Variants in ARAP2 observed in about 807,000 individuals in gnomAD.
The protein encoded by ARAP2 is ArfGAP with RhoGAP domain, ankyrin repeat and PH domain 2, also known as arf-GAP with Rho-GAP domain, ANK repeat and PH domain-containing protein 2.
A neutral mutation model predicts 194.5 loss-of-function variants in ARAP2; 148 were observed. The ratio of observed to expected loss-of-function variants is 0.76; its 90% CI spans 0.67 to 0.87. The LOEUF is 0.87. Ranked by LOEUF, ARAP2 falls within the 40% of genes least tolerant of loss-of-function variation. The probability of loss-of-function intolerance (pLI) is 0.00; values close to 1 mark genes in which losing one functional copy is unlikely to be tolerated. For missense variants in ARAP2, 2,128 were observed against 1,989.7 expected (o/e 1.07, Z -1.32); for synonymous variants, 695 against 683.5 (o/e 1.02, Z -0.26).
At chr4:36,016,388 G>A (rs1456352528) in intron 6 of ARAP2, among the ~76,000 whole-genome samples, 3 of 152,100 alleles carry the variant, frequency 2.0e-5, no homozygotes, top group Non-Finnish European at 4.4e-5. Flanking sequence ...TGTTTAACGT[G>A]TTGCTTCTTA....
rs1754267861 is a variant in ARAP2, at chr4:36,244,444, C to T, written c.-425G>A. The T allele has an allele frequency of 6.7e-6, 1 of 150,304 alleles. No homozygotes were observed. The highest frequency in any genetic ancestry group is 1.5e-5 in the Non-Finnish European group (1 of 67,338). The allele number at this position is 150,304 out of a possible 1,614,324, so 9.3% of individuals were successfully genotyped here. A position where few individuals can be genotyped will look rare whatever the true frequency, so the allele number is the denominator to read the frequency against. On this transcript the variant is annotated 5_prime_UTR_variant, in exon 1 of 33. Transcript: ENST00000303965. ...CGGGCCGCGGACCCGCGCTCAGCTC[C>T]GGAAACGCCGAGCCCGGCGCCCGCG...
chr4:36,015,504 C>G (rs780171234), exon 8 of ARAP2: 1 of 152,182 alleles, frequency 6.6e-6, no homozygotes, highest in Non-Finnish European at 1.5e-5. Flanking sequence ...TCCAAGGTGA[C>G]CTTATTCAGA....
chr4:36,210,343 A>T (rs1283916643), intron 6 of ARAP2, 47 bp downstream of exon 6: 1 of 1,513,784 alleles, frequency 6.6e-7, no homozygotes, highest in Non-Finnish European at 8.9e-7. Context: ...AATAAACTTG[A>T]AATTTTAAAA....
chr4:36,054,872 G>A (rs1278883930), intron 2 of ARAP2, among the ~76,000 whole-genome samples: 1 of 152,296 alleles, frequency 6.6e-6, no homozygotes, highest in East Asian at 1.9e-4. Context: ...AAGATCCCCT[G>A]ATAGTCTGTA....
At chr4:36,026,537 AG>A (rs935750389) in intron 5 of ARAP2, among the ~76,000 whole-genome samples, 4 of 152,294 alleles carry the variant, frequency 2.6e-5, no homozygotes, top group African/African-American at 7.2e-5. Flanking sequence ...CCTGAATCCA[AG>A]GATCCTCTGG....
chr4:36,066,825 CA>C lies in ARAP2; in HGVS notation c.*1081del, dbSNP rs1725575855. 1 of 152,054 alleles carries C rather than the reference CA, an allele frequency of 6.6e-6. No homozygotes were observed. The highest frequency in any genetic ancestry group is 2.4e-5 in the African/African-American group (1 of 41,412). 9.4% of individuals were successfully genotyped at this position (152,054 alleles called of 1,614,324 possible). On this transcript the variant is annotated 3_prime_UTR_variant, in exon 33 of 33. Transcript: ENST00000303965. ...AAAAAAAACCTAGATTAAATGTGAC[CA>C]GGTAGCCCCCAAATGTATAGTAAAC... is the stretch of plus-strand genomic sequence containing the variant.
At chr4:36,073,548 G>GT in intron 32 of ARAP2, 141 bp downstream of exon 32, 1 of 957,012 alleles carries the variant, frequency 1.0e-6, no homozygotes, top group Non-Finnish European at 1.5e-6. Context: ...TTTTCTTGCT[G>GT]TATGTGATTA....
intron 19 of ARAP2, among the ~76,000 whole-genome samples, chr4:36,137,107 T>C (rs1410531168): frequency 4.6e-5 from 7 of 151,866 alleles, no homozygotes; most frequent in Admixed American, 4.0e-4. Context: ...TGAAAATATG[T>C]TCTAAGAATC....
In ARAP2 at chr4:36,068,221, C is replaced by T. The variant is rs373372334; in HGVS notation, c.4801G>A (p.Val1601Met). The stretch of plus-strand genomic sequence containing the variant: ...GCTCTCTCCTTTAAGCTAGAGTCCA[C>T]GGACTCTTTATCACACTTTTCACTG... The part of the protein sequence containing the change: ...RLSEKCDKES[V>M]DSSLKERASM... Residue 1601 changes from valine (V) to methionine (M), a missense_variant, in exon 33 of 33, where the codon GTG becomes ATG. Physicochemically the swap from Val to Met is conservative, Grantham distance 21. Coordinates refer to ENST00000303965, the MANE Select transcript of ARAP2 (RefSeq NM_015230.4). 102 of 1,607,340 alleles carry T rather than the reference C, an allele frequency of 6.3e-5. No individual in the cohort carries two copies. The highest frequency in any genetic ancestry group is 1.7e-4 in the Middle Eastern group (1 of 6,008).
chr4:36,067,422 C>G lies in ARAP2; in HGVS notation c.*485G>C, dbSNP rs1725728668. The G allele has an allele frequency of 6.6e-6, 1 of 152,508 alleles. No homozygotes were observed. The allele number at this position is 152,508 out of a possible 1,614,324, so 9.4% of individuals were successfully genotyped here. On this transcript the variant is annotated 3_prime_UTR_variant, in exon 33 of 33. Transcript: ENST00000303965. The stretch of plus-strand genomic sequence containing the variant: ...TAGGCAGCCACTACAATAAATTCTC[C>G]CCCCTTTTTCAATTTACTTCCCTTT...
intron 2 of ARAP2, among the ~76,000 whole-genome samples, chr4:36,217,181 T>C (rs1748117267): frequency 6.6e-6 from 1 of 152,222 alleles, no homozygotes; most frequent in East Asian, 1.9e-4. Context: ...TATAACTTTA[T>C]ATATATATTT....
intron 1 of ARAP2, among the ~76,000 whole-genome samples, chr4:36,241,631 C>T (rs966514999): frequency 6.6e-6 from 1 of 152,046 alleles, no homozygotes; most frequent in African/African-American, 2.4e-5. Flanking sequence ...ACAATCAGTT[C>T]ATTATTACTC....
intron 27 of ARAP2, among the ~76,000 whole-genome samples, chr4:36,092,340 T>C (rs1713929721): frequency 1.3e-5 from 2 of 152,314 alleles, no homozygotes; most frequent in South Asian, 4.1e-4. Context: ...CTGGGCGCAG[T>C]GGCTCACACC....
intron 3 of ARAP2, among the ~76,000 whole-genome samples, chr4:36,048,204 T>C: frequency 6.6e-6 from 1 of 152,250 alleles, no homozygotes; most frequent in East Asian, 1.9e-4. Flanking sequence ...ATTTCCGAAC[T>C]CTTTATTATT....
At chr4:36,146,134 G>A (rs577818415) in intron 19 of ARAP2, among the ~76,000 whole-genome samples, 10 of 152,016 alleles carry the variant, frequency 6.6e-5, no homozygotes, top group African/African-American at 2.4e-4. Context: ...AAAATTCTGG[G>A]ATCATCCTTG....
At position 36,228,822 on chromosome 4, in the gene ARAP2, C is replaced by G; in HGVS notation, c.665G>C (p.Cys222Ser). 6.2e-7 allele frequency: 1 copy of G among 1,614,132 alleles called. No individual in the cohort carries two copies. Among genetic ancestry groups the G allele is most frequent in the Non-Finnish European group, 8.5e-7 (1 of 1,180,018 alleles). Residue 222 changes from cysteine (C) to serine (S), a missense_variant, in exon 2 of 33, where the codon TGT (cysteine) becomes TCT (serine). Physicochemically the swap from Cys to Ser is moderately radical, Grantham distance 112. Transcript: ENST00000303965. ...TCCAGAATTTGTTCCTGATGTTGAA[C>G]AGCCAACAAAAGAAAGGCATTCAGA... ...ADSECLSFVG[C>S]STSGTNSGNG...
chr4:36,233,749 C>T (rs371547141), intron 1 of ARAP2, among the ~76,000 whole-genome samples: 9 of 152,210 alleles, frequency 5.9e-5, no homozygotes, highest in Non-Finnish European at 7.3e-5. Context: ...GTGCCTAGCA[C>T]GTACTGATGC....
At chr4:36,191,297 G>C (rs1399235326) in intron 7 of ARAP2, among the ~76,000 whole-genome samples, 2 of 151,850 alleles carry the variant, frequency 1.3e-5, no homozygotes, top group South Asian at 4.2e-4. Flanking sequence ...AAGAAACAGG[G>C]ACTAAAAAAA....
At chr4:36,133,462 C>T in intron 19 of ARAP2, 73 bp from the exon 20 acceptor site, 1 of 1,331,208 alleles carries the variant, frequency 7.5e-7, no homozygotes. Flanking sequence ...AGACAGATTA[C>T]CCTAAAATCC....
Sources: gnomAD v4.1 joint callset for allele counts (sites outside exome capture counted in the v4.1 genomes callset) on GRCh38, gnomAD v4.1.1 for gene constraint, MANE v1.5 for transcripts, NCBI Gene and HGNC (gene_info 2026-07-23, HGNC 2026-07-21) for gene names.